Variants in AAK1 observed in about 807,000 individuals in gnomAD.
The protein encoded by AAK1 is AP2 associated kinase 1, also known as AP2-associated protein kinase 1.
A neutral mutation model predicts 116.0 loss-of-function variants in AAK1; 37 were observed. The ratio of observed to expected loss-of-function variants is 0.32; its 90% confidence interval spans 0.25 to 0.42. The LOEUF (loss-of-function observed/expected upper bound fraction) is 0.42. Ranked by LOEUF, AAK1 falls within the 10% of genes least tolerant of loss-of-function variation. AAK1 has a pLI of 1.00. For synonymous variants in AAK1, 458 were observed against 439.9 expected, an observed-to-expected ratio of 1.04 and a Z score of -0.51; for missense variants, 919 against 1,170.6, an observed-to-expected ratio of 0.79 and a Z score of 3.14.
chr2:69,513,631 G>A (rs1202862670), intron 13 of AAK1, among the ~76,000 whole-genome samples: 7 of 152,282 alleles, frequency 4.6e-5, no homozygotes, highest in African/African-American at 1.7e-4. Context: ...GCAGAAAGAT[G>A]GCTTCTTACT....
rs1674432626 is a variant in AAK1, at chr2:69,464,684, T to C, written c.*11185A>G. On this transcript the variant is annotated 3_prime_UTR_variant, in exon 22 of 22. Coordinates refer to ENST00000409085, the MANE Select transcript of AAK1 (RefSeq NM_014911.5). ...CACACACAAACCTGTACACTCACACTAATTTCAAAAGCATGGATGTGGGGA... is the reference window on the plus strand; with the variant it reads ...CACACACAAACCTGTACACTCACACCAATTTCAAAAGCATGGATGTGGGGA... 6.6e-6 allele frequency: 1 copy of C among 152,604 alleles called. No individual in the cohort carries two copies. The highest frequency in any genetic ancestry group is 1.5e-5 in the Non-Finnish European group (1 of 68,102). 9.5% of individuals were successfully genotyped at this position (152,604 alleles called of 1,614,324 possible).
chr2:69,500,698 T>TATATATATATATGTATATATATACACAC, intron 16 of AAK1, among the ~76,000 whole-genome samples: 1 of 65,102 alleles, frequency 1.5e-5, no homozygotes, highest in African/African-American at 7.9e-5. Context: ...TATATATATA[T>TATATATATATATGTATATATATACACAC]ACACACACAC....
At chr2:69,517,546 T>C (rs567780664) in intron 12 of AAK1, among the ~76,000 whole-genome samples, 1 of 151,340 alleles carries the variant, frequency 6.6e-6, no homozygotes, top group East Asian at 1.9e-4. Flanking sequence ...TTAATATCAG[T>C]GAAATAGAGG....
intron 2 of AAK1, chr2:69,594,918 A>G: frequency 1.7e-6 from 2 of 1,188,082 alleles, no homozygotes; most frequent in South Asian, 1.2e-5. Context: ...TTTGCCCACT[A>G]CAGCCACTCT....
intron 2 of AAK1, among the ~76,000 whole-genome samples, chr2:69,587,882 G>A (rs1282630789): frequency 6.6e-6 from 1 of 152,006 alleles, no homozygotes; most frequent in African/African-American, 2.4e-5. Context: ...AAAATGTTGG[G>A]AGTTACAAGC....
rs752171399 is a variant in AAK1 at position 69,542,494 on chromosome 2, TG to T, written c.534+28del. The T allele has an allele frequency of 5.0e-6, 8 of 1,612,954 alleles. No homozygotes were observed. The South Asian group carries it at 7.7e-5, about 16-fold the overall frequency. ...GGCAGACAGAAAATATTGAGTAGAATGCCCGTAATGAAAGAGTGTGGTCTGT... is the reference window on the plus strand; with the variant it reads ...GGCAGACAGAAAATATTGAGTAGAATCCCGTAATGAAAGAGTGTGGTCTGT... On this transcript the variant is annotated intron_variant, in intron 5 of 21. Transcript: ENST00000409085.
chr2:69,606,290 C>T (rs1673793580), intron 2 of AAK1, among the ~76,000 whole-genome samples: 1 of 152,204 alleles, frequency 6.6e-6, no homozygotes, highest in Non-Finnish European at 1.5e-5. Context: ...TCCAATTGAA[C>T]ACAAGGATGT....
At chr2:69,602,838 C>A (rs1171401080) in intron 2 of AAK1, among the ~76,000 whole-genome samples, 1 of 152,124 alleles carries the variant, frequency 6.6e-6, no homozygotes, top group Non-Finnish European at 1.5e-5. Context: ...TTTTAAAAAG[C>A]AACAGAAAAA....
chr2:69,614,351 G>GTA (rs1553421616), intron 2 of AAK1, among the ~76,000 whole-genome samples: 1 of 152,152 alleles, frequency 6.6e-6, no homozygotes, highest in Non-Finnish European at 1.5e-5. Flanking sequence ...AGGGACAGGT[G>GTA]TAACAGCTGG....
intron 5 of AAK1, among the ~76,000 whole-genome samples, chr2:69,535,834 T>C (rs760216692): frequency 6.6e-6 from 1 of 152,000 alleles, no homozygotes; most frequent in Non-Finnish European, 1.5e-5. Flanking sequence ...ACCACTGCTG[T>C]CAGGAAAGGG....
At chr2:69,525,139 A>G (rs1355750708) in intron 9 of AAK1, 27 bp from the exon 10 acceptor site, 1 of 1,606,410 alleles carries the variant, frequency 6.2e-7, no homozygotes, top group Non-Finnish European at 8.5e-7. Context: ...AAAACAGAAC[A>G]AAACAAAAGG....
intron 2 of AAK1, among the ~76,000 whole-genome samples, chr2:69,631,294 C>G (rs778887343): frequency 6.6e-6 from 1 of 152,210 alleles, no homozygotes; most frequent in African/African-American, 2.4e-5. Context: ...TCCTTGAAAA[C>G]ATGCAGCAAA....
chr2:69,520,793 C>CA, intron 11 of AAK1, 41 bp downstream of exon 11: 1 of 1,513,822 alleles, frequency 6.6e-7, no homozygotes, highest in Non-Finnish European at 8.8e-7. Context: ...TCCAGAATAA[C>CA]AAAGAGGTGT....
intron 4 of AAK1, among the ~76,000 whole-genome samples, chr2:69,543,532 C>T (rs995112261): frequency 6.6e-6 from 1 of 152,012 alleles, no homozygotes; most frequent in Admixed American, 6.6e-5. Flanking sequence ...CTCAGCCTCC[C>T]GAGTAGCTGG....
At chr2:69,549,489 T>G (rs1330973750) in intron 3 of AAK1, among the ~76,000 whole-genome samples, 1 of 152,254 alleles carries the variant, frequency 6.6e-6, no homozygotes, top group Admixed American at 6.5e-5. Flanking sequence ...TAAGACCATT[T>G]TGGCTGCTCC....
intron 2 of AAK1, among the ~76,000 whole-genome samples, chr2:69,634,978 T>G (rs1276620484): frequency 1.3e-5 from 2 of 152,180 alleles, no homozygotes; most frequent in African/African-American, 4.8e-5. Context: ...AGATCCTCTA[T>G]TTTTATTTAT....
intron 17 of AAK1, among the ~76,000 whole-genome samples, chr2:69,486,458 C>T (rs1423678614): frequency 1.3e-5 from 2 of 152,096 alleles, no homozygotes; most frequent in African/African-American, 2.4e-5. Context: ...CTTGGGAATA[C>T]TCAAATACCA....
At chr2:69,599,861 T>C (rs1358226363) in intron 2 of AAK1, among the ~76,000 whole-genome samples, 1 of 152,154 alleles carries the variant, frequency 6.6e-6, no homozygotes, top group African/African-American at 2.4e-5. Context: ...CACTGCAGCC[T>C]TGACCTCCCG....
Position 69,464,933 on chromosome 2 carries a change from T to C in AAK1, c.*10936A>G, listed in dbSNP as rs529593288. On this transcript the variant is annotated 3_prime_UTR_variant, in exon 22 of 22. Coordinates refer to ENST00000409085, the MANE Select transcript of AAK1 (RefSeq NM_014911.5). ...CCTGTTGATGTGCAGGGTTTTTATC[T>C]TGCTCTTCTTTCCAGACATCTCCCC... is the stretch of plus-strand genomic sequence containing the variant. 6.4e-6 allele frequency: 1 copy of C among 155,928 alleles called. No individual in the cohort carries two copies. The highest frequency in any genetic ancestry group is 1.9e-4 in the East Asian group (1 of 5,288). 9.7% of individuals were successfully genotyped at this position (155,928 alleles called of 1,614,324 possible).
Sources: allele counts gnomAD v4.1 joint callset (sites outside exome capture counted in the v4.1 genomes callset), GRCh38; gene constraint gnomAD v4.1.1; transcripts MANE v1.5; gene names NCBI Gene and HGNC (gene_info 2026-07-23, HGNC 2026-07-21).